The following EP300 variants were observed in gnomAD, a reference collection of about 807,000 sequenced individuals.
The protein encoded by EP300 is histone acetyltransferase p300.
A neutral mutation model predicts 264.0 loss-of-function variants in EP300; 31 were observed. That is an observed-to-expected ratio of 0.12 (90% CI 0.09 to 0.16). EP300 has a LOEUF of 0.16. Ranked by LOEUF, EP300 falls within the 10% of genes least tolerant of loss-of-function variation. The pLI is 1.00. For synonymous variants in EP300, 1,340 were observed against 1,045.4 expected, an observed-to-expected ratio of 1.28 and a Z score of -5.44; for missense variants, 2,766 against 3,052.9, an observed-to-expected ratio of 0.91 and a Z score of 2.21.
At chr22:41,105,354 C>CAAA (rs111775923) in intron 1 of EP300, among the ~76,000 whole-genome samples, 2 of 144,134 alleles carry the variant, frequency 1.4e-5, no homozygotes, top group Admixed American at 6.8e-5. Context: ...AACTGCATCT[C>CAAA]AAAAAAAAAA....
At chr22:41,093,150 G>A (rs2058683173) in intron 1 of EP300, 52 bp downstream of exon 1, 1 of 1,556,458 alleles carries the variant, frequency 6.4e-7, no homozygotes, top group African/African-American at 1.4e-5. Context: ...TTTTCTACTC[G>A]GTGCGCCTTT....
chr22:41,102,938 C>T (rs1451665717), intron 1 of EP300, among the ~76,000 whole-genome samples: 1 of 152,116 alleles, frequency 6.6e-6, no homozygotes, highest in African/African-American at 2.4e-5. Context: ...CAACCTCCGC[C>T]TTCCGGGTTC....
chr22:41,113,034 A>G (rs2058801768), intron 1 of EP300, among the ~76,000 whole-genome samples: 1 of 152,096 alleles, frequency 6.6e-6, no homozygotes, highest in Non-Finnish European at 1.5e-5. Flanking sequence ...AAATAATGCC[A>G]TTGTTATAGT....
In EP300 at chr22:41,117,822, G is replaced by GT; in HGVS notation, c.729+2dup. On this transcript the variant is annotated splice_donor_variant, in intron 2 of 30. Transcript: ENST00000263253. LOFTEE classifies it high-confidence loss of function. Reference sequence around the variant, plus strand: ...ATTGAGAGGCCCCCAGCCTCTTAAGGTAAGTACAGTTTTGGTTTGTGTGCA... The same window carrying GT: ...ATTGAGAGGCCCCCAGCCTCTTAAGGTTAAGTACAGTTTTGGTTTGTGTGCA... 6.2e-7 allele frequency: 1 copy of GT among 1,613,802 alleles called. No individual in the cohort carries two copies. The highest frequency in any genetic ancestry group is 8.5e-7 in the Non-Finnish European group (1 of 1,180,028).
intron 9 of EP300, among the ~76,000 whole-genome samples, chr22:41,140,495 G>T (rs2058976247): frequency 6.6e-6 from 1 of 152,104 alleles, no homozygotes. Flanking sequence ...TTATCTGGTT[G>T]TCCTGTCAAC....
At chr22:41,141,864 A>G (rs898562601) in intron 10 of EP300, among the ~76,000 whole-genome samples, 3 of 151,992 alleles carry the variant, frequency 2.0e-5, no homozygotes, top group Non-Finnish European at 2.9e-5. Context: ...TTTCGTAGAG[A>G]CAGGGTTTTG....
chr22:41,128,419 C>T (rs887347092), intron 4 of EP300, among the ~76,000 whole-genome samples: 5 of 152,054 alleles, frequency 3.3e-5, no homozygotes, highest in African/African-American at 4.8e-5. Flanking sequence ...CGACATCATA[C>T]CACTGCACTC....
Position 41,176,860 on chromosome 22 carries a change from A to C in EP300, c.5149A>C (p.Asn1717His). 6.2e-7 allele frequency: 1 copy of C among 1,614,112 alleles called. No individual in the cohort carries two copies. The highest frequency in any genetic ancestry group is 1.7e-5 in the Admixed American group (1 of 60,010). The change falls in exon 31 of 31, where the codon AAC becomes CAC. Residue 1717 changes from asparagine (N) to histidine (H), a missense_variant. Coordinates refer to ENST00000263253, the MANE Select transcript of EP300 (RefSeq NM_001429.4). ...AGGCCTTGGCTTAGATGATGAGAGC[A>C]ACAACCAGCAGGCTGCAGCCACCCA... ...KLGLGLDDES[N>H]NQQAAATQSP...
chr22:41,133,296 T>TAG (rs1438845038), intron 6 of EP300, among the ~76,000 whole-genome samples: 2 of 152,006 alleles, frequency 1.3e-5, no homozygotes, highest in Non-Finnish European at 2.9e-5. Context: ...TAGCTGGGAT[T>TAG]AGAGGCACCT....
rs576205456 is a variant in EP300, at chr22:41,136,809, C to G, written c.1623-844C>G. 2.0e-5 allele frequency among the ~76,000 whole-genome samples: 3 copies of G among 152,194 alleles called. No homozygotes were observed. The South Asian group carries it at 6.2e-4, about 32-fold the overall frequency. On this transcript the variant is annotated intron_variant, in intron 7 of 30. Coordinates refer to ENST00000263253, the MANE Select transcript of EP300 (RefSeq NM_001429.4). ...GAGCATGGCAGCTCCCCTGTAATCC[C>G]AGCACTTTGGGAGGCCGAGGCAGGC...
rs869304891 is a variant in EP300 at position 41,154,376 on chromosome 22, C to CTTTTTTTT, written c.3143-603_3143-596dup. ...TCTTAACACGAGTATCTTGTGCACT[C>CTTTTTTTT]TTTTTTTTTTTTTTTTTTTTTTTGA... On this transcript the variant is annotated intron_variant, in intron 16 of 30. Coordinates refer to ENST00000263253, the MANE Select transcript of EP300 (RefSeq NM_001429.4). Among the ~76,000 whole-genome samples the CTTTTTTTT allele has an allele frequency of 5.1e-3, 314 of 61,788 alleles. 39 individuals are homozygous for CTTTTTTTT. Among genetic ancestry groups the CTTTTTTTT allele is most frequent in the African/African-American group, 0.017 (268 of 16,160 alleles). 40.5% of individuals were successfully genotyped at this position (61,788 alleles called of 152,430 possible).
At position 41,177,708 on chromosome 22, in the gene EP300, A is replaced by T. The variant is rs781369651; in HGVS notation, c.5997A>T (p.Gly1999=). The T allele has an allele frequency of 5.0e-6, 8 of 1,613,782 alleles. No homozygotes were observed. The highest frequency in any genetic ancestry group is 6.8e-6 in the Non-Finnish European group (8 of 1,180,006). ...MQQQPPWSQG[G]LPQPQQLQSG... ...AACAGCCACCCTGGAGCCAAGGAGGATTGCCTCAGCCCCAGCAACTACAGT... is the reference window on the plus strand; with the variant it reads ...AACAGCCACCCTGGAGCCAAGGAGGTTTGCCTCAGCCCCAGCAACTACAGT... The change falls in exon 31 of 31, where the codon GGA becomes GGT. Residue 1999 remains glycine, a synonymous_variant. Coordinates refer to ENST00000263253, the MANE Select transcript of EP300 (RefSeq NM_001429.4).
intron 22 of EP300, 77 bp from the exon 23 acceptor site, chr22:41,166,522 T>C: frequency 1.7e-6 from 2 of 1,206,414 alleles, no homozygotes; most frequent in Non-Finnish European, 2.4e-6. Flanking sequence ...AGATTGTCTT[T>C]TGAATTTTAA....
chr22:41,178,608 C>G lies in EP300; in HGVS notation c.6897C>G (p.Ile2299Met). ...CCCCACACCTACAAGGCCAGCAGATCCCTAATTCTCTCTCCAATCAAGTGC... is the reference window on the plus strand; with the variant it reads ...CCCCACACCTACAAGGCCAGCAGATGCCTAATTCTCTCTCCAATCAAGTGC... The part of the protein sequence containing the change: ...AQSPHLQGQQ[I>M]PNSLSNQVRS... Residue 2299 changes from isoleucine to methionine, a missense_variant, in exon 31 of 31, where the codon ATC (isoleucine) becomes ATG (methionine). Transcript: ENST00000263253. 1.2e-6 allele frequency: 2 copies of G among 1,614,066 alleles called. No individual in the cohort carries two copies. Among genetic ancestry groups the G allele is most frequent in the Non-Finnish European group, 1.7e-6 (2 of 1,180,006 alleles).
At chr22:41,093,442 AT>A (rs1178581141) in intron 1 of EP300, among the ~76,000 whole-genome samples, 2 of 151,830 alleles carry the variant, frequency 1.3e-5, no homozygotes, top group Non-Finnish European at 2.9e-5. Context: ...TTTAAGTTTC[AT>A]TTTTTTTGTT....
chr22:41,179,837 TTTC>T lies in EP300; in HGVS notation c.*887_*889del, dbSNP rs1291071917. ...TTAACATGCAAAATGTCCCTGGGGG[TTTC>T]TTCTTTGCTTGCTTTCTTCCTCCTT... On this transcript the variant is annotated 3_prime_UTR_variant, in exon 31 of 31. Coordinates refer to ENST00000263253, the MANE Select transcript of EP300 (RefSeq NM_001429.4). The T allele has an allele frequency of 4.4e-5, 10 of 225,646 alleles. No homozygotes were observed. The South Asian group carries it at 7.6e-4, about 17-fold the overall frequency. 14.0% of individuals were successfully genotyped at this position (225,646 alleles called of 1,614,324 possible).
chr22:41,141,665 C>CTT lies in EP300; in HGVS notation c.2053+455_2053+456dup, dbSNP rs77123676. Reference sequence around the variant, plus strand: ...ATAAAATATTCTAAGTCTAGGAACTCTTTTTTTTTTTTTCTTTTTCTTTTT... The same window carrying CTT: ...ATAAAATATTCTAAGTCTAGGAACTCTTTTTTTTTTTTTTTCTTTTTCTTTTT... On this transcript the variant is annotated intron_variant, in intron 10 of 30. Transcript: ENST00000263253. Among the ~76,000 whole-genome samples, 194 of 146,140 alleles carry CTT rather than the reference C, an allele frequency of 1.3e-3. 1 individual carries two copies. The highest frequency in any genetic ancestry group is 2.8e-3 in the East Asian group (14 of 4,956).
rs1219217509 is a variant in EP300 at position 41,146,804 on chromosome 22, A to C, written c.2119A>C (p.Thr707Pro). The C allele has an allele frequency of 6.2e-7, 1 of 1,613,852 alleles. No homozygotes were observed. Among genetic ancestry groups the C allele is most frequent in the Admixed American group, 1.7e-5 (1 of 59,976 alleles). ...SVPNQMMPRI[T>P]PQSGLNQFGQ... is the part of the protein sequence containing the mutation. ...GCCAAACCAGATGATGCCTCGAATA[A>C]CTCCACAATCTGGTAAATAGTGAAA... Residue 707 changes from threonine (T) to proline (P), a missense_variant, in exon 11 of 31, where the codon ACT (threonine) becomes CCT (proline). Transcript: ENST00000263253.
intron 19 of EP300, chr22:41,160,353 T>C (rs2059100766): frequency 2.5e-6 from 1 of 400,262 alleles, no homozygotes; most frequent in Non-Finnish European, 4.7e-6. Flanking sequence ...ATCCCTCATT[T>C]CTTCGTTTGT....
Sources: gnomAD v4.1 joint callset for allele counts (sites outside exome capture counted in the v4.1 genomes callset) on GRCh38, gnomAD v4.1.1 for gene constraint, MANE v1.5 for transcripts, NCBI Gene and HGNC (gene_info 2026-07-23, HGNC 2026-07-21) for gene names.